TOX2: variants seen among roughly 807,000 people sequenced by gnomAD.
The protein encoded by TOX2 is granulosa cell HMG box 1.
A neutral mutation model predicts 47.4 loss-of-function variants in TOX2; 15 were observed. The observed-to-expected ratio is 0.32, with a 90% CI of 0.21 to 0.49. The LOEUF (loss-of-function observed/expected upper bound fraction) is 0.49, where lower values mean the gene tolerates loss of function less well. TOX2 is among the 20% of genes least tolerant of loss of function. The probability of loss-of-function intolerance (pLI) is 0.99; values close to 1 mark genes in which losing one functional copy is unlikely to be tolerated. For missense variants in TOX2, 622 were observed against 673.1 expected, an observed-to-expected ratio of 0.92 and a Z score of 0.84; for synonymous variants, 290 against 296.6, an observed-to-expected ratio of 0.98 and a Z score of 0.23.
chr20:44,064,193 T>C (rs1277426234), intron 5 of TOX2, among the ~76,000 whole-genome samples: 8 of 152,230 alleles, frequency 5.3e-5, no homozygotes, highest in Non-Finnish European at 1.0e-4. Context: ...AGTCTCTGCA[T>C]GCATCACATT....
At chr20:44,057,424 A>G (rs2071639870) in intron 5 of TOX2, among the ~76,000 whole-genome samples, 1 of 152,226 alleles carries the variant, frequency 6.6e-6, no homozygotes, top group Admixed American at 6.5e-5. Flanking sequence ...ACATTTAGAA[A>G]TGTGACTTAT....
chr20:44,043,020 T>C (rs956116550), intron 3 of TOX2, among the ~76,000 whole-genome samples: 2 of 152,140 alleles, frequency 1.3e-5, no homozygotes, highest in African/African-American at 4.8e-5. Flanking sequence ...TTGGTAAAAC[T>C]GGAGGAGGAA....
At position 44,015,160 on chromosome 20, in the gene TOX2, C is replaced by CTAAA. The variant is rs139791714; in HGVS notation, c.411+8369_411+8372dup. Among the ~76,000 whole-genome samples, 856 of 152,182 alleles carry CTAAA rather than the reference C, an allele frequency of 5.6e-3. 7 individuals carry two copies. The highest frequency in any genetic ancestry group is 0.037 in the Middle Eastern group (11 of 294). The stretch of plus-strand genomic sequence containing the variant: ...TCTCCCAAATGGGTCTCTGAGGGTC[C>CTAAA]TAAACAGTGGTAACTAGAGGCCCTG... On this transcript the variant is annotated intron_variant, in intron 3 of 8. Coordinates refer to ENST00000341197, the MANE Select transcript of TOX2 (RefSeq NM_001098797.2).
At position 43,915,030 on chromosome 20, in the gene TOX2, G is replaced by A. The variant is rs2069040662; in HGVS notation, c.99+40G>A. On this transcript the variant is annotated intron_variant, in intron 1 of 8. Transcript: ENST00000341197. This position sits in a 1 kb window ranked among gnomAD's most constrained non-coding sequence, Gnocchi z 7.1. ...GCGGGGGTCCCCGGCGGGCGGGGCC[G>A]GAGTCACCTGGCAGCTCGGGACTCA... 3 of 1,180,580 alleles carry A rather than the reference G, an allele frequency of 2.5e-6. No individual in the cohort carries two copies. The highest frequency in any genetic ancestry group is 3.7e-5 in the East Asian group (1 of 26,974). The allele number at this position is 1,180,580 out of a possible 1,614,324, so 73.1% of individuals were successfully genotyped here.
intron 3 of TOX2, among the ~76,000 whole-genome samples, chr20:44,050,075 G>A (rs2071482939): frequency 6.6e-6 from 1 of 152,198 alleles, no homozygotes; most frequent in Admixed American, 6.5e-5. Flanking sequence ...AAAGAAGAAA[G>A]TAGATTTTAA....
chr20:43,976,780 G>A lies in TOX2; in HGVS notation c.165+3348G>A, dbSNP rs562296153. 8.0e-4 allele frequency among the ~76,000 whole-genome samples: 101 copies of A among 125,522 alleles called. 1 individual carries two copies. The East Asian group carries it at 0.015, about 18-fold the overall frequency. 82.3% of individuals were successfully genotyped at this position (125,522 alleles called of 152,430 possible). A position where few individuals can be genotyped will look rare whatever the true frequency, so the allele number is the denominator to read the frequency against. ...TCTTGAACTCACAACGCGAGCGCGC[G>A]CGCACACACACACACACACACACAT... On this transcript the variant is annotated intron_variant, in intron 2 of 8. Transcript: ENST00000341197.
intron 3 of TOX2, among the ~76,000 whole-genome samples, chr20:44,024,378 C>G (rs942858318): frequency 7.0e-6 from 1 of 143,238 alleles, no homozygotes; most frequent in East Asian, 2.1e-4. Context: ...TTCCAATTCT[C>G]TTACTTTTCT....
intron 1 of TOX2, among the ~76,000 whole-genome samples, chr20:43,924,215 A>T (rs1373888937): frequency 6.6e-6 from 1 of 152,172 alleles, no homozygotes; most frequent in Non-Finnish European, 1.5e-5. Context: ...CAGCATGTGG[A>T]TGACTTTTAG....
At chr20:43,970,385 T>C (rs904386845) in intron 1 of TOX2, among the ~76,000 whole-genome samples, 1 of 152,264 alleles carries the variant, frequency 6.6e-6, no homozygotes, top group African/African-American at 2.4e-5. Context: ...TCTACTGTGC[T>C]TATCGGGGAA....
At chr20:44,041,071 G>A (rs1399250843) in intron 3 of TOX2, among the ~76,000 whole-genome samples, 2 of 152,162 alleles carry the variant, frequency 1.3e-5, no homozygotes, top group African/African-American at 4.8e-5. Flanking sequence ...GCAAGGGAAG[G>A]GGCTGAGCAT....
intron 8 of TOX2, 133 bp from the exon 9 acceptor site, chr20:44,068,517 A>C: frequency 4.0e-6 from 4 of 993,594 alleles, no homozygotes; most frequent in Non-Finnish European, 4.4e-6. Context: ...TTGCAGATGC[A>C]AGTCCCTCAT....
intron 1 of TOX2, among the ~76,000 whole-genome samples, chr20:43,938,524 G>A (rs2069358953): frequency 6.6e-6 from 1 of 152,330 alleles, no homozygotes. Context: ...GATACTGCTG[G>A]ATGTGGGCAC....
At chr20:44,000,363 C>T (rs2070554136) in intron 2 of TOX2, among the ~76,000 whole-genome samples, 1 of 152,092 alleles carries the variant, frequency 6.6e-6, no homozygotes, top group African/African-American at 2.4e-5. Context: ...TTTTTGGACA[C>T]ATTTCGTGTA....
chr20:43,959,505 A>G (rs1436539015), intron 1 of TOX2, among the ~76,000 whole-genome samples: 1 of 152,260 alleles, frequency 6.6e-6, no homozygotes, highest in Non-Finnish European at 1.5e-5. Flanking sequence ...TTTCTAGGTC[A>G]AATTACAATT....
intron 3 of TOX2, among the ~76,000 whole-genome samples, chr20:44,027,757 G>A (rs2071088239): frequency 6.6e-6 from 1 of 152,240 alleles, no homozygotes; most frequent in African/African-American, 2.4e-5. Context: ...AGATGAGGAG[G>A]CAGGAATGTT....
chr20:43,919,325 A>G (rs1316052833), intron 1 of TOX2, among the ~76,000 whole-genome samples: 3 of 152,182 alleles, frequency 2.0e-5, no homozygotes, highest in African/African-American at 7.2e-5. Context: ...ATATGGGTGA[A>G]ATATATGGTA....
chr20:43,970,587 C>A (rs1001285698), intron 1 of TOX2, among the ~76,000 whole-genome samples: 2 of 152,216 alleles, frequency 1.3e-5, no homozygotes, highest in African/African-American at 4.8e-5. Context: ...CCTCCATCTC[C>A]AATTATTCTT....
chr20:43,951,707 G>GGTTTTTTTTTTTT (rs745489872), intron 1 of TOX2, among the ~76,000 whole-genome samples: 16 of 55,094 alleles, frequency 2.9e-4, no homozygotes, highest in East Asian at 1.6e-3. Context: ...AACTTATTAT[G>GGTTTTTTTTTTTT]TTTTTTTTTT....
chr20:43,928,108 C>A (rs1027866351), intron 1 of TOX2, among the ~76,000 whole-genome samples: 2 of 152,086 alleles, frequency 1.3e-5, no homozygotes, highest in African/African-American at 4.8e-5. Context: ...GAAAAGCATT[C>A]CAGGTAGAAG....
Sources: gnomAD v4.1 joint callset for allele counts (sites outside exome capture counted in the v4.1 genomes callset) on GRCh38, gnomAD v4.1.1 for gene constraint, Gnocchi (gnomAD v3.1) non-coding constraint, MANE v1.5 for transcripts, NCBI Gene and HGNC (gene_info 2026-07-23, HGNC 2026-07-21) for gene names.